PTPRO: variants seen among roughly 807,000 people sequenced by gnomAD.
The protein encoded by PTPRO is receptor-type tyrosine-protein phosphatase O.
PTPRO carries 62 observed loss-of-function variants against 145.2 expected under a neutral mutation model. The observed-to-expected ratio is 0.43, with a 90% CI of 0.35 to 0.53. PTPRO has a LOEUF of 0.53. Ranked by LOEUF, PTPRO falls within the 20% of genes least tolerant of loss-of-function variation. The probability of loss-of-function intolerance (pLI) is 0.01; values close to 1 mark genes in which losing one functional copy is unlikely to be tolerated. For synonymous variants in PTPRO, 565 were observed against 514.7 expected (o/e 1.10, Z -1.32); for missense variants, 1,345 against 1,482.7 (o/e 0.91, Z 1.53).
At chr12:15,557,881 C>A (rs185266715) in intron 16 of PTPRO, among the ~76,000 whole-genome samples, 3 of 152,044 alleles carry the variant, frequency 2.0e-5, no homozygotes, top group African/African-American at 7.2e-5. Context: ...AAGCAGCTTG[C>A]GACAGATCGG....
At chr12:15,405,852 A>G (rs1196904116) in intron 1 of PTPRO, among the ~76,000 whole-genome samples, 1 of 152,212 alleles carries the variant, frequency 6.6e-6, no homozygotes, top group African/African-American at 2.4e-5. Flanking sequence ...ACAGTTACCA[A>G]TGAAGCAGAA....
intron 1 of PTPRO, among the ~76,000 whole-genome samples, chr12:15,345,402 T>A (rs1867167058): frequency 6.6e-6 from 1 of 152,140 alleles, no homozygotes; most frequent in Non-Finnish European, 1.5e-5. Context: ...ATGTGGCACA[T>A]ATGCACCATG....
intron 1 of PTPRO, among the ~76,000 whole-genome samples, chr12:15,359,280 A>C (rs1189896080): frequency 6.6e-6 from 1 of 152,328 alleles, no homozygotes; most frequent in East Asian, 1.9e-4. Flanking sequence ...GTATGAGTAC[A>C]GATGATATCC....
chr12:15,520,613 A>T (rs1311116375), intron 10 of PTPRO, among the ~76,000 whole-genome samples: 1 of 152,210 alleles, frequency 6.6e-6, no homozygotes. Context: ...AGGCACAGCC[A>T]TCAGCTTCAC....
intron 1 of PTPRO, among the ~76,000 whole-genome samples, chr12:15,428,500 T>C (rs562106834): frequency 6.6e-6 from 1 of 152,236 alleles, no homozygotes; most frequent in East Asian, 1.9e-4. Flanking sequence ...AAGGGGATCA[T>C]ATATAAGAGT....
chr12:15,514,761 AT>A (rs1398518333), intron 7 of PTPRO, among the ~76,000 whole-genome samples: 2 of 151,510 alleles, frequency 1.3e-5, no homozygotes, highest in Non-Finnish European at 2.9e-5. Context: ...TATTTTATTT[AT>A]TTTTTATTTT....
intron 19 of PTPRO, among the ~76,000 whole-genome samples, chr12:15,573,287 C>G (rs1214857973): frequency 6.6e-6 from 1 of 152,100 alleles, no homozygotes; most frequent in African/African-American, 2.4e-5. Context: ...CTCATCAGGC[C>G]TTCAAACTGA....
chr12:15,500,199 A>G (rs1477016234), intron 4 of PTPRO, among the ~76,000 whole-genome samples: 1 of 152,114 alleles, frequency 6.6e-6, no homozygotes, highest in Non-Finnish European at 1.5e-5. Context: ...TGTGCCTAGT[A>G]TGCCTGAATA....
intron 1 of PTPRO, among the ~76,000 whole-genome samples, chr12:15,479,881 T>C (rs1481634462): frequency 6.6e-6 from 1 of 152,172 alleles, no homozygotes; most frequent in Non-Finnish European, 1.5e-5. Flanking sequence ...CTGTTCACTG[T>C]AGCTGAATGT....
At chr12:15,327,119 C>T (rs556762070) in intron 1 of PTPRO, among the ~76,000 whole-genome samples, 2 of 152,086 alleles carry the variant, frequency 1.3e-5, no homozygotes, top group Non-Finnish European at 2.9e-5. Context: ...GGAAAATTAT[C>T]ATTATGGGAG....
chr12:15,510,031 C>T (rs1942407032), intron 7 of PTPRO, among the ~76,000 whole-genome samples: 1 of 152,216 alleles, frequency 6.6e-6, no homozygotes, highest in African/African-American at 2.4e-5. Flanking sequence ...ATTTTCTTCC[C>T]TAAAGGCAAA....
chr12:15,401,996 A>G (rs1389422537), intron 1 of PTPRO, among the ~76,000 whole-genome samples: 9 of 152,184 alleles, frequency 5.9e-5, no homozygotes, highest in Admixed American at 2.0e-4. Context: ...TGGTGCCCAG[A>G]TGGGGATTTG....
intron 1 of PTPRO, among the ~76,000 whole-genome samples, chr12:15,415,232 C>G (rs202197844): frequency 2.2e-4 from 34 of 151,964 alleles, no homozygotes; most frequent in African/African-American, 4.4e-4. Context: ...ACCTCCCCCC[C>G]AAAAAAAGAA....
At chr12:15,327,977 G>C (rs1432437904) in intron 1 of PTPRO, among the ~76,000 whole-genome samples, 1 of 152,070 alleles carries the variant, frequency 6.6e-6, no homozygotes, top group African/African-American at 2.4e-5. Context: ...AGCCAGGTGT[G>C]GTGGCAGGCA....
intron 12 of PTPRO, among the ~76,000 whole-genome samples, chr12:15,542,112 C>T (rs1277327591): frequency 6.6e-6 from 1 of 152,134 alleles, no homozygotes; most frequent in African/African-American, 2.4e-5. Flanking sequence ...AGATAGAAAG[C>T]AATCAAAATG....
intron 1 of PTPRO, among the ~76,000 whole-genome samples, chr12:15,376,820 C>G (rs1336560743): frequency 6.6e-6 from 1 of 152,100 alleles, no homozygotes; most frequent in African/African-American, 2.4e-5. Flanking sequence ...AACCTAATCA[C>G]CTCCCAAAAG....
intron 1 of PTPRO, among the ~76,000 whole-genome samples, chr12:15,394,359 T>C (rs1036493662): frequency 1.3e-5 from 2 of 152,082 alleles, no homozygotes; most frequent in Non-Finnish European, 2.9e-5. Context: ...TTATTTCTCT[T>C]ACTGAGAGGG....
chr12:15,348,247 CCA>C (rs1937657590), intron 1 of PTPRO: 1 of 152,158 alleles, frequency 6.6e-6, no homozygotes, highest in African/African-American at 2.4e-5. Flanking sequence ...AGGGAAACGG[CCA>C]CAGAGAGACT....
At chr12:15,561,759 C>T (rs918110781) in intron 17 of PTPRO, among the ~76,000 whole-genome samples, 3 of 152,062 alleles carry the variant, frequency 2.0e-5, no homozygotes, top group African/African-American at 2.4e-5. Flanking sequence ...ATACTAACAG[C>T]AAATACCCAT....
Sources: allele counts gnomAD v4.1 joint callset (sites outside exome capture counted in the v4.1 genomes callset), GRCh38; gene constraint gnomAD v4.1.1; transcripts MANE v1.5; gene names NCBI Gene and HGNC (gene_info 2026-07-23, HGNC 2026-07-21).